The following DUS4L variants were observed in gnomAD, a reference collection of about 807,000 sequenced individuals.
DUS4L encodes the protein tRNA-dihydrouridine(20a/20b) synthase [NAD(P)+]-like.
A neutral mutation model predicts 33.8 loss-of-function variants in DUS4L; 31 were observed. The ratio of observed to expected loss-of-function variants is 0.92; its 90% CI spans 0.69 to 1.24. The LOEUF (loss-of-function observed/expected upper bound fraction) is 1.24. DUS4L is among the 50% of genes most tolerant of loss of function. DUS4L has a pLI of 0.00. For missense variants in DUS4L, 368 were observed against 388.6 expected (o/e 0.95, Z 0.45); for synonymous variants, 103 against 120.3 (o/e 0.86, Z 0.94).
At position 107,575,168 on chromosome 7, in the gene DUS4L, C is replaced by A; in HGVS notation, c.357-20C>A. ...TCCAGTTATTTATAATTCACTTGTTCATGTGTTTGCTTTACAAAGGTGGGC... is the reference window on the plus strand; with the variant it reads ...TCCAGTTATTTATAATTCACTTGTTAATGTGTTTGCTTTACAAAGGTGGGC... On this transcript the variant is annotated intron_variant, in intron 5 of 7. Coordinates refer to ENST00000265720, the MANE Select transcript of DUS4L (RefSeq NM_181581.3). 6.2e-7 allele frequency: 1 copy of A among 1,605,648 alleles called. No individual in the cohort carries two copies. The highest frequency in any genetic ancestry group is 1.1e-5 in the South Asian group (1 of 88,952).
In DUS4L at chr7:107,564,000, C is replaced by T. The variant is rs576654026; in HGVS notation, c.-320C>T. On this transcript the variant is annotated 5_prime_UTR_variant, in exon 1 of 8. Coordinates refer to ENST00000265720, the MANE Select transcript of DUS4L (RefSeq NM_181581.3). ...GCCCACCCAGCCCATGGCTCCAGGCCCACCTGGCGAACTGACTCTCAGCCC... is the reference window on the plus strand; with the variant it reads ...GCCCACCCAGCCCATGGCTCCAGGCTCACCTGGCGAACTGACTCTCAGCCC... 1.6e-5 allele frequency: 25 copies of T among 1,557,616 alleles called. No homozygotes were observed. The highest frequency in any genetic ancestry group is 6.8e-5 in the African/African-American group (5 of 73,670).
At chr7:107,571,363 G>A in intron 4 of DUS4L, 97 bp downstream of exon 4, 1 of 1,473,320 alleles carries the variant, frequency 6.8e-7, no homozygotes, top group Non-Finnish European at 9.0e-7. Flanking sequence ...GAGATTTTAT[G>A]TGAAGAAGCT....
rs1263584589 is a variant in DUS4L at position 107,577,479 on chromosome 7, A to C, written c.873A>C (p.Ser291=). The C allele has an allele frequency of 1.2e-6, 2 of 1,614,044 alleles. No individual in the cohort carries two copies. The highest frequency in any genetic ancestry group is 2.7e-5 in the African/African-American group (2 of 74,914). ...TGTACATGATGGAAAAGATAACTTC[A>C]AGGCAGGAAAAAAGGGTATTTAATG... ...HLMYMMEKIT[S]RQEKRVFNAL... Residue 291 remains serine, a synonymous_variant, in exon 8 of 8, where the codon TCA becomes TCC. Coordinates refer to ENST00000265720, the MANE Select transcript of DUS4L (RefSeq NM_181581.3).
intron 4 of DUS4L, 83 bp downstream of exon 4, chr7:107,571,349 T>C (rs1411842315): frequency 2.0e-6 from 3 of 1,504,114 alleles, no homozygotes; most frequent in Non-Finnish European, 2.7e-6. Context: ...AACAACACAA[T>C]TTAGAGATTT....
chr7:107,571,371 G>A, intron 4 of DUS4L, 105 bp downstream of exon 4: 1 of 1,442,880 alleles, frequency 6.9e-7, no homozygotes, highest in Non-Finnish European at 9.2e-7. Context: ...ATGTGAAGAA[G>A]CTTTAGTTCT....
In DUS4L at chr7:107,576,348, G is replaced by A. The variant is rs745912682; in HGVS notation, c.480-18G>A. The A allele has an allele frequency of 1.3e-6, 2 of 1,597,628 alleles. No homozygotes were observed. Among genetic ancestry groups the A allele is most frequent in the Non-Finnish European group, 8.5e-7 (1 of 1,174,654 alleles). ...ATTTGTGTGCTGTGAACAGATAAAT[G>A]TAATTTTGAAATTGTAGGATCCATG... On this transcript the variant is annotated intron_variant, in intron 6 of 7. Coordinates refer to ENST00000265720, the MANE Select transcript of DUS4L (RefSeq NM_181581.3).
In DUS4L at chr7:107,563,971, G is replaced by GGGC; in HGVS notation, c.-349_-348insGGC. Reference sequence around the variant, plus strand: ...GGTGGTGACGCAGAATCCCGGCGCCGCCCGCCCACCCAGCCCATGGCTCCA... The same window carrying GGGC: ...GGTGGTGACGCAGAATCCCGGCGCCGGGCCCCGCCCACCCAGCCCATGGCTCCA... On this transcript the variant is annotated 5_prime_UTR_variant, in exon 1 of 8. Transcript: ENST00000265720. The GGGC allele has an allele frequency of 1.9e-6, 3 of 1,557,492 alleles. No individual in the cohort carries two copies. The highest frequency in any genetic ancestry group is 2.6e-6 in the Non-Finnish European group (3 of 1,144,664).
chr7:107,566,816 G>T (rs1804751136), intron 2 of DUS4L, among the ~76,000 whole-genome samples: 1 of 151,744 alleles, frequency 6.6e-6, no homozygotes, highest in African/African-American at 2.4e-5. Context: ...CTCGTTTTCT[G>T]CATCTTGTGT....
In DUS4L at chr7:107,567,149, C is replaced by G; in HGVS notation, c.79C>G (p.Leu27Val). Reference sequence around the variant, plus strand: ...CATAGAAATGTTTCATTCTGGACAGCTGGTAAAAGTCTGTGCCCCAATGGT... The same window carrying G: ...CATAGAAATGTTTCATTCTGGACAGGTGGTAAAAGTCTGTGCCCCAATGGT... ...DPIEMFHSGQ[L>V]VKVCAPMVRY... is the part of the protein sequence containing the mutation. The change falls in exon 3 of 8, where the codon CTG becomes GTG. Residue 27 changes from leucine to valine, a missense_variant. Physicochemically the swap from Leu to Val is conservative, Grantham distance 32. Coordinates refer to ENST00000265720, the MANE Select transcript of DUS4L (RefSeq NM_181581.3). 1 of 1,613,360 alleles carries G rather than the reference C, an allele frequency of 6.2e-7. No individual in the cohort carries two copies. The highest frequency in any genetic ancestry group is 8.5e-7 in the Non-Finnish European group (1 of 1,179,580).
At chr7:107,576,727 G>A (rs878982595) in intron 7 of DUS4L, 135 bp downstream of exon 7, 20 of 802,780 alleles carry the variant, frequency 2.5e-5, no homozygotes, top group East Asian at 1.8e-4. Context: ...TAAGCTAAGC[G>A]ATTTATTAAA....
rs760755929 is a variant in DUS4L, at chr7:107,571,200, A to G, written c.172A>G (p.Met58Val). Residue 58 changes from methionine to valine, a missense_variant, in exon 4 of 8, where the codon ATG (methionine) becomes GTG (valine). Physicochemically the swap from Met to Val is conservative, Grantham distance 21. Transcript: ENST00000265720. ...KYSCDLCYTPMIVAADFVKSI... is the reference protein window; with the variant it reads ...KYSCDLCYTPVIVAADFVKSI... ...TAGTTGTGATCTGTGTTACACACCAATGATTGTTGCCGCTGATTTTGTCAA... is the reference window on the plus strand; with the variant it reads ...TAGTTGTGATCTGTGTTACACACCAGTGATTGTTGCCGCTGATTTTGTCAA... The G allele has an allele frequency of 1.7e-5, 28 of 1,611,772 alleles. No homozygotes were observed. The highest frequency in any genetic ancestry group is 2.7e-5 in the African/African-American group (2 of 74,828).
chr7:107,576,734 T>A, intron 7 of DUS4L, 142 bp downstream of exon 7: 1 of 745,080 alleles, frequency 1.3e-6, no homozygotes, highest in Non-Finnish European at 2.0e-6. Context: ...AGCGATTTAT[T>A]AAAATGATGT....
Position 107,564,115 on chromosome 7 carries a change from G to A in DUS4L, c.-205G>A. On this transcript the variant is annotated 5_prime_UTR_variant, in exon 1 of 8. Coordinates refer to ENST00000265720, the MANE Select transcript of DUS4L (RefSeq NM_181581.3). ...GTGCTCTGCGCCCAGCGCACCGAGG[G>A]AGCCAAGGCCGTCGGGCCGGCGCTT... is the stretch of plus-strand genomic sequence containing the variant. The A allele has an allele frequency of 9.2e-7, 1 of 1,091,180 alleles. No individual in the cohort carries two copies. The highest frequency in any genetic ancestry group is 1.3e-6 in the Non-Finnish European group (1 of 761,562). The allele number at this position is 1,091,180 out of a possible 1,614,324, so 67.6% of individuals were successfully genotyped here. A position where few individuals can be genotyped will look rare whatever the true frequency, so the allele number is the denominator to read the frequency against.
intron 3 of DUS4L, 63 bp downstream of exon 3, chr7:107,567,249 A>G (rs117550357): frequency 1.5e-5 from 22 of 1,453,188 alleles, no homozygotes; most frequent in African/African-American, 1.4e-4. Context: ...CTGACTTTTT[A>G]AAAGTACTGT....
chr7:107,576,891 TGAACTCGA>T, intron 7 of DUS4L: 1 of 307,664 alleles, frequency 3.3e-6, no homozygotes, highest in Admixed American at 4.7e-5. Context: ...TAAGAGTAAG[TGAACTCGA>T]GAATGATAAG....
Position 107,573,647 on chromosome 7 carries a change from G to T in DUS4L, c.239-57G>T, listed in dbSNP as rs566346334. Reference sequence around the variant, plus strand: ...CTGTACAAACATTAAAGTTTGGTGTGTGTGTGCATGGGGTTTTTTCCTGTG... The same window carrying T: ...CTGTACAAACATTAAAGTTTGGTGTTTGTGTGCATGGGGTTTTTTCCTGTG... On this transcript the variant is annotated intron_variant, in intron 4 of 7. Coordinates refer to ENST00000265720, the MANE Select transcript of DUS4L (RefSeq NM_181581.3). The T allele has an allele frequency of 1.2e-5, 18 of 1,537,746 alleles. No individual in the cohort carries two copies. In the African/African-American group the frequency reaches 1.8e-4, roughly 15 times the overall value.
chr7:107,567,346 A>G (rs1804804480), intron 3 of DUS4L, among the ~76,000 whole-genome samples, 160 bp downstream of exon 3: 1 of 152,152 alleles, frequency 6.6e-6, no homozygotes, highest in Non-Finnish European at 1.5e-5. Flanking sequence ...CTTGCCTAGT[A>G]TATATGTGAT....
rs1325440072 is a variant in DUS4L, at chr7:107,578,164, T to C, written c.*604T>C. On this transcript the variant is annotated 3_prime_UTR_variant, in exon 8 of 8. Transcript: ENST00000265720. ...TCCTACCTAAAAAGATAAAATTAAT[T>C]GCAATCTACCATATCTTAAGTATAG... 6.6e-6 allele frequency: 1 copy of C among 152,204 alleles called. No individual in the cohort carries two copies. The highest frequency in any genetic ancestry group is 6.5e-5 in the Admixed American group (1 of 15,288). 9.4% of individuals were successfully genotyped at this position (152,204 alleles called of 1,614,324 possible).
In DUS4L at chr7:107,576,603, A is replaced by C; in HGVS notation, c.706+11A>C. 6.5e-7 allele frequency: 1 copy of C among 1,543,568 alleles called. No individual in the cohort carries two copies. Among genetic ancestry groups the C allele is most frequent in the Non-Finnish European group, 8.6e-7 (1 of 1,156,184 alleles). On this transcript the variant is annotated intron_variant, in intron 7 of 7. Transcript: ENST00000265720. ...TTACTGGGACAGATGGTAAGAAATAAGTACTTGGGTTCTTTTAATTGGGGG... is the reference window on the plus strand; with the variant it reads ...TTACTGGGACAGATGGTAAGAAATACGTACTTGGGTTCTTTTAATTGGGGG...
Sources: allele counts gnomAD v4.1 joint callset (sites outside exome capture counted in the v4.1 genomes callset), GRCh38; gene constraint gnomAD v4.1.1; transcripts MANE v1.5; gene names NCBI Gene and HGNC (gene_info 2026-07-23, HGNC 2026-07-21).